SP3: variants seen among roughly 807,000 people sequenced by gnomAD.
The protein encoded by SP3 is transcription factor Sp3.
SP3 carries 10 observed loss-of-function variants against 70.3 expected under a neutral mutation model. The observed-to-expected ratio is 0.14, with a 90% CI of 0.09 to 0.24. The LOEUF (loss-of-function observed/expected upper bound fraction) is 0.24. SP3 is among the 10% of genes least tolerant of loss of function. SP3 has a pLI of 1.00. For synonymous variants in SP3, 402 were observed against 333.5 expected (o/e 1.21, Z -2.24); for missense variants, 825 against 914.6 (o/e 0.90, Z 1.26).
chr2:173,939,091 T>C (rs1255025271), intron 4 of SP3, among the ~76,000 whole-genome samples: 2 of 152,202 alleles, frequency 1.3e-5, no homozygotes, highest in African/African-American at 4.8e-5. Context: ...TGAGAAATCA[T>C]AGTCTAACTT....
rs111741791 is a variant in SP3 at position 173,905,935 on chromosome 2, G to T, written c.*4006C>A. On this transcript the variant is annotated 3_prime_UTR_variant, in exon 7 of 7. Coordinates refer to ENST00000310015, the MANE Select transcript of SP3 (RefSeq NM_003111.5). ...GGATTGCTTGAGACCAGTAAGTGGA[G>T]TCTGCAGTAAGCCATGATTGCACCA... Among the ~76,000 whole-genome samples the T allele has an allele frequency of 6.6e-6, 1 of 152,164 alleles. No individual in the cohort carries two copies. Among genetic ancestry groups the T allele is most frequent in the African/African-American group, 2.4e-5 (1 of 41,442 alleles).
intron 4 of SP3, 106 bp from the exon 5 acceptor site, chr2:173,918,891 A>G (rs1689676788): frequency 2.2e-6 from 2 of 920,682 alleles, no homozygotes; most frequent in Non-Finnish European, 3.2e-6. Context: ...TGCATGCACT[A>G]CTTCTCTTGC....
At chr2:173,964,140 T>C in intron 2 of SP3, 1 of 358,170 alleles carries the variant, frequency 2.8e-6, no homozygotes, top group Non-Finnish European at 5.0e-6. Context: ...GGCCTCCGCC[T>C]TCCGCCCGGA....
chr2:173,929,515 A>AC (rs1336083164), intron 4 of SP3, among the ~76,000 whole-genome samples: 2 of 152,166 alleles, frequency 1.3e-5, no homozygotes, highest in African/African-American at 4.8e-5. Context: ...ATACACACTG[A>AC]CAGAATATAA....
In SP3 at chr2:173,900,920, C is replaced by T. The variant is rs1689179747; in HGVS notation, c.*9021G>A. Among the ~76,000 whole-genome samples the T allele has an allele frequency of 2.0e-5, 3 of 152,014 alleles. No individual in the cohort carries two copies. The highest frequency in any genetic ancestry group is 4.4e-5 in the Non-Finnish European group (3 of 68,000). ...TGTAATTCTAATAAAAAACCTTAAC[C>T]CGATTGTTTAATTCTACATAATCAT... On this transcript the variant is annotated 3_prime_UTR_variant, in exon 7 of 7. Transcript: ENST00000310015.
intron 4 of SP3, among the ~76,000 whole-genome samples, chr2:173,929,766 G>A (rs1171863341): frequency 6.6e-6 from 1 of 152,194 alleles, no homozygotes; most frequent in African/African-American, 2.4e-5. Context: ...ATCAGAGAGT[G>A]TGACTCCTTA....
intron 4 of SP3, among the ~76,000 whole-genome samples, chr2:173,925,453 G>C (rs6734863): frequency 0.03 from 4,633 of 152,172 alleles, 260 homozygotes; most frequent in African/African-American, 0.11. Flanking sequence ...AAAAGGTAGA[G>C]TTTCAATTTT....
chr2:173,963,153 T>C (rs1332510682), intron 3 of SP3: 7 of 151,876 alleles, frequency 4.6e-5, no homozygotes, highest in Admixed American at 4.0e-4. Flanking sequence ...GGCTGCTAAA[T>C]GTTTCATTTA....
rs1415682448 is a variant in SP3, at chr2:173,955,204, C to T, written c.1308G>A (p.Leu436=). 2 of 1,614,106 alleles carry T rather than the reference C, an allele frequency of 1.2e-6. No homozygotes were observed. Among genetic ancestry groups the T allele is most frequent in the Admixed American group, 3.3e-5 (2 of 59,994 alleles). The change falls in exon 4 of 7, where the codon TTG becomes TTA. Residue 436 remains leucine (L), a synonymous_variant. Transcript: ENST00000310015. ...GATTCAGCTGCAACTGAAGATTTTG[C>T]AAAGCCTGTTGTGATATATTTTGAC... ...ASGQNISQQA[L]QNLQLQLNPG... is the part of the protein sequence containing the mutation.
In SP3 at chr2:173,955,924, ACCC is replaced by A; in HGVS notation, c.585_587del (p.Gly196del). On this transcript the variant is annotated inframe_deletion, in exon 4 of 7. Transcript: ENST00000310015. Reference sequence around the variant, plus strand: ...GAATTTGACTGCTTTCTTGATTTATACCCCCATTATCTGAAGAGCCTGTGAAAC... The same window carrying A: ...GAATTTGACTGCTTTCTTGATTTATACCATTATCTGAAGAGCCTGTGAAAC... 6 of 1,614,054 alleles carry A rather than the reference ACCC, an allele frequency of 3.7e-6. No homozygotes were observed. Among genetic ancestry groups the A allele is most frequent in the Non-Finnish European group, 5.1e-6 (6 of 1,180,002 alleles).
chr2:173,960,674 T>C (rs747631346), intron 3 of SP3, among the ~76,000 whole-genome samples: 53 of 152,158 alleles, frequency 3.5e-4, no homozygotes, highest in Non-Finnish European at 5.7e-4. Flanking sequence ...ACTTTCATAA[T>C]AGTCACTTAT....
In SP3 at chr2:173,913,153, C is replaced by T; in HGVS notation, c.1946G>A (p.Arg649His). 6.2e-7 allele frequency: 1 copy of T among 1,613,538 alleles called. No homozygotes were observed. Among genetic ancestry groups the T allele is most frequent in the Non-Finnish European group, 8.5e-7 (1 of 1,179,642 alleles). ...RAHLRWHSGE[R>H]PFVCNWMYCG... ...GTACATCCAGTTACAAACAAAAGGG[C>T]GTTCTCCAGAATGCCAACGCAGATG... The change falls in exon 6 of 7, where the codon CGC becomes CAC. Residue 649 changes from arginine (R) to histidine (H), a missense_variant. Arg to His is a conservative substitution (Grantham distance 29). Transcript: ENST00000310015.
intron 3 of SP3, among the ~76,000 whole-genome samples, chr2:173,959,293 T>C (rs937401800): frequency 1.4e-5 from 2 of 142,122 alleles, no homozygotes; most frequent in East Asian, 2.0e-4. Context: ...CTAAAAGAGA[T>C]AAAGTACACT....
At chr2:173,958,189 C>A (rs1690954026) in intron 3 of SP3, among the ~76,000 whole-genome samples, 1 of 150,078 alleles carries the variant, frequency 6.7e-6, no homozygotes, top group South Asian at 2.1e-4. Context: ...AACTCAGACA[C>A]AAATTAATTT....
chr2:173,954,061 T>G (rs994500988), intron 4 of SP3, among the ~76,000 whole-genome samples: 3 of 152,190 alleles, frequency 2.0e-5, no homozygotes, highest in African/African-American at 4.8e-5. Flanking sequence ...GAAAGAATGT[T>G]AGTAGTACAA....
rs1355775828 is a variant in SP3, at chr2:173,964,465, C to G, written c.96G>C (p.Glu32Asp). ...CGTGCTGTTGCTGCTGCTGCAGATA[C>G]TCGCCGTGGCCGCCGCCGCCGCCAC... ...GGGGGGGGHG[E>D]YLQQQQQHGN... The change falls in exon 2 of 7, where the codon GAG (glutamate) becomes GAC (aspartate). Residue 32 changes from glutamate to aspartate, a missense_variant. Physicochemically the swap from Glu to Asp is conservative, Grantham distance 45. Coordinates refer to ENST00000310015, the MANE Select transcript of SP3 (RefSeq NM_003111.5). 7.0e-6 allele frequency: 5 copies of G among 717,754 alleles called. No individual in the cohort carries two copies. The highest frequency in any genetic ancestry group is 1.3e-5 in the Non-Finnish European group (5 of 389,020). The allele number at this position is 717,754 out of a possible 1,614,324, so 44.5% of individuals were successfully genotyped here. A position where few individuals can be genotyped will look rare whatever the true frequency, so the allele number is the denominator to read the frequency against.
chr2:173,939,512 C>A (rs549503148), intron 4 of SP3, among the ~76,000 whole-genome samples: 41 of 151,898 alleles, frequency 2.7e-4, no homozygotes, highest in African/African-American at 9.4e-4. Flanking sequence ...GCCTGTAATC[C>A]CAGCACTTTG....
At chr2:173,923,361 T>A (rs1689810024) in intron 4 of SP3, among the ~76,000 whole-genome samples, 1 of 151,768 alleles carries the variant, frequency 6.6e-6, no homozygotes, top group East Asian at 1.9e-4. Flanking sequence ...AATAATGAAA[T>A]ATACACACAC....
chr2:173,961,946 T>TG (rs1691098954), intron 3 of SP3, among the ~76,000 whole-genome samples: 2 of 151,038 alleles, frequency 1.3e-5, no homozygotes, highest in African/African-American at 2.4e-5. Flanking sequence ...TTTTTTTTTT[T>TG]TTTTTTTTTT....
Sources: allele counts gnomAD v4.1 joint callset (sites outside exome capture counted in the v4.1 genomes callset), GRCh38; gene constraint gnomAD v4.1.1; transcripts MANE v1.5; gene names NCBI Gene and HGNC (gene_info 2026-07-23, HGNC 2026-07-21).